Variants in EDA observed in about 807,000 individuals in gnomAD.
EDA encodes the protein ectodysplasin-A.
A neutral mutation model predicts 23.6 loss-of-function variants in EDA; 2 were observed. That is an observed-to-expected ratio of 0.08 (90% CI 0.03 to 0.27). The LOEUF (loss-of-function observed/expected upper bound fraction) is 0.27. Ranked by LOEUF, EDA falls within the 10% of genes least tolerant of loss-of-function variation. The probability of loss-of-function intolerance (pLI) is 1.00; values close to 1 mark genes in which losing one functional copy is unlikely to be tolerated. For synonymous variants in EDA, 131 were observed against 132.0 expected (o/e 0.99, Z 0.05); for missense variants, 229 against 324.2 (o/e 0.71, Z 2.26).
At chrX:69,618,416 C>T (rs1310721501) in intron 1 of EDA, among the ~76,000 whole-genome samples, 3 of 111,880 alleles carry the variant, frequency 2.7e-5, no homozygotes, top group African/African-American at 6.5e-5. Flanking sequence ...TTTATTCTTT[C>T]TGTTTTAATA....
chrX:69,675,605 T>A (rs1435160278), intron 1 of EDA, among the ~76,000 whole-genome samples: 1 of 111,105 alleles, frequency 9.0e-6, no homozygotes, highest in African/African-American at 3.3e-5. Flanking sequence ...TCTTAATTGA[T>A]TCATTCATTT....
chrX:69,627,534 A>G (rs959282987), intron 1 of EDA, among the ~76,000 whole-genome samples: 1 of 111,772 alleles, frequency 8.9e-6, no homozygotes, highest in African/African-American at 3.3e-5. Context: ...GAATCTTTAG[A>G]GTGAGACCAT....
chrX:69,676,101 G>C (rs941500701), intron 1 of EDA, among the ~76,000 whole-genome samples: 17 of 111,460 alleles, frequency 1.5e-4, no homozygotes, highest in African/African-American at 4.9e-4. Context: ...GGTCAGAGAG[G>C]TAAGAGGAGA....
chrX:69,904,379 C>G (rs775164615), intron 1 of EDA, among the ~76,000 whole-genome samples: 17 of 109,413 alleles, frequency 1.6e-4, no homozygotes, highest in Non-Finnish European at 2.9e-4. Context: ...GAGACACTAT[C>G]TTGCTCTGTT....
At chrX:69,954,343 C>G (rs1197728176) in intron 1 of EDA, among the ~76,000 whole-genome samples, 1 of 111,551 alleles carries the variant, frequency 9.0e-6, no homozygotes, top group Non-Finnish European at 1.9e-5. Context: ...TTAGGACTCA[C>G]AGAAGTAGCA....
intron 1 of EDA, among the ~76,000 whole-genome samples, chrX:69,884,514 A>T (rs2017799429): frequency 8.9e-6 from 1 of 112,485 alleles, no homozygotes; most frequent in Admixed American, 9.4e-5. Context: ...AAAAGTGGAA[A>T]TGTTTCTATC....
chrX:69,720,013 G>T (rs770201686), intron 1 of EDA, among the ~76,000 whole-genome samples: 1 of 110,964 alleles, frequency 9.0e-6, no homozygotes, highest in African/African-American at 3.3e-5. Flanking sequence ...CTCCCAAAGC[G>T]CAGGGATTAC....
chrX:69,723,719 A>G (rs1372377536), intron 1 of EDA, among the ~76,000 whole-genome samples: 2 of 111,759 alleles, frequency 1.8e-5, no homozygotes, highest in African/African-American at 3.3e-5. Flanking sequence ...ACCTCCCAAA[A>G]CTATCTTAAT....
At chrX:69,975,868 C>CT (rs1024266036) in intron 2 of EDA, among the ~76,000 whole-genome samples, 26 of 111,175 alleles carry the variant, frequency 2.3e-4, no homozygotes, top group Non-Finnish European at 4.5e-4. Context: ...ATTCTTTTTA[C>CT]TTTTTTAATA....
At chrX:69,644,825 G>T (rs754715189) in intron 1 of EDA, among the ~76,000 whole-genome samples, 2 of 111,409 alleles carry the variant, frequency 1.8e-5, no homozygotes, top group Non-Finnish European at 3.8e-5. Flanking sequence ...TAACGTGAAG[G>T]GATGTTGAAT....
Position 69,863,062 on chromosome X carries a change from G to T in EDA, c.397-93965G>T, listed in dbSNP as rs188280578. Among the ~76,000 whole-genome samples the T allele has an allele frequency of 3.8e-5, 4 of 106,261 alleles. No individual in the cohort carries two copies. In the East Asian group the frequency reaches 1.2e-3, roughly 32 times the overall value. 92.3% of individuals were successfully genotyped at this position (106,261 alleles called of 115,157 possible). A position where few individuals can be genotyped will look rare whatever the true frequency, so the allele number is the denominator to read the frequency against. On this transcript the variant is annotated intron_variant, in intron 1 of 7. Coordinates refer to ENST00000374552, the MANE Select transcript of EDA (RefSeq NM_001399.5). ...TTTCTGAAAAAAAAAAAAAATAGAT[G>T]AATATCTCTATGGTAAAATTAATAG... is the stretch of plus-strand genomic sequence containing the variant.
intron 1 of EDA, among the ~76,000 whole-genome samples, chrX:69,906,742 C>T (rs2018183826): frequency 9.0e-6 from 1 of 111,663 alleles, no homozygotes; most frequent in Non-Finnish European, 1.9e-5. Context: ...CGTGCACGCA[C>T]ACACACATAC....
At chrX:69,893,919 G>A (rs1230645506) in intron 1 of EDA, among the ~76,000 whole-genome samples, 1 of 111,803 alleles carries the variant, frequency 8.9e-6, no homozygotes, top group Non-Finnish European at 1.9e-5. Flanking sequence ...GAATTCTAAG[G>A]TCTCCCCCAG....
At position 69,715,589 on chromosome X, in the gene EDA, T is replaced by C. The variant is rs756663582; in HGVS notation, c.396+98885T>C. 3.6e-5 allele frequency among the ~76,000 whole-genome samples: 4 copies of C among 111,925 alleles called. No individual in the cohort carries two copies. The South Asian group carries it at 1.5e-3, about 42-fold the overall frequency. On this transcript the variant is annotated intron_variant, in intron 1 of 7. Transcript: ENST00000374552. The stretch of plus-strand genomic sequence containing the variant: ...TGTGTCTTTATGGTAGAATGATTTA[T>C]ATTCCTTTGGGTATTTGCCCAATAA...
intron 1 of EDA, among the ~76,000 whole-genome samples, chrX:69,747,115 A>G (rs1409299128): frequency 2.7e-5 from 3 of 111,847 alleles, no homozygotes; most frequent in East Asian, 5.6e-4. Context: ...ACAGATTTCA[A>G]AAATTGCTAA....
In EDA at chrX:69,808,482, C is replaced by T. The variant is rs144505719; in HGVS notation, c.397-148545C>T. ...TAGGCATGATTGATTCATTTATTGC[C>T]CATGTGGTTGAACTCAGTGTTTAGG... On this transcript the variant is annotated intron_variant, in intron 1 of 7. Transcript: ENST00000374552. 4.2e-3 allele frequency among the ~76,000 whole-genome samples: 468 copies of T among 111,281 alleles called. 2 individuals are homozygous for T. Among genetic ancestry groups the T allele is most frequent in the African/African-American group, 0.015 (449 of 30,619 alleles).
chrX:69,632,654 C>T (rs1932644681), intron 1 of EDA, among the ~76,000 whole-genome samples: 1 of 112,097 alleles, frequency 8.9e-6, no homozygotes, highest in African/African-American at 3.2e-5. Context: ...AACCCAATTC[C>T]TACTTCACTG....
chrX:69,839,606 C>T (rs990158894), intron 1 of EDA, among the ~76,000 whole-genome samples: 2 of 112,206 alleles, frequency 1.8e-5, no homozygotes, highest in Admixed American at 9.4e-5. Context: ...TCTTTATGAC[C>T]ATCCATGTAT....
At chrX:69,667,962 T>C (rs991070091) in intron 1 of EDA, among the ~76,000 whole-genome samples, 2 of 112,022 alleles carry the variant, frequency 1.8e-5, no homozygotes, top group Admixed American at 1.9e-4. Context: ...AACAACCTAT[T>C]CATGAGGGCA....
Sources: allele counts gnomAD v4.1 joint callset (sites outside exome capture counted in the v4.1 genomes callset), GRCh38; gene constraint gnomAD v4.1.1; transcripts MANE v1.5; gene names NCBI Gene and HGNC (gene_info 2026-07-23, HGNC 2026-07-21).